The following PCDH15 variants were observed in gnomAD, a reference collection of about 807,000 sequenced individuals.
PCDH15 encodes protocadherin related 15.
PCDH15 carries 129 observed loss-of-function variants against 178.5 expected under a neutral mutation model. The observed-to-expected ratio is 0.72, with a 90% CI of 0.63 to 0.84. The LOEUF is 0.84. Among genes scored for constraint, PCDH15 ranks in the 40% least tolerant of loss-of-function variants. The probability of loss-of-function intolerance (pLI) is 0.00; values close to 1 mark genes in which losing one functional copy is unlikely to be tolerated. For missense variants in PCDH15, 2,230 were observed against 2,099.9 expected (o/e 1.06, Z -1.21); for synonymous variants, 800 against 732.0 (o/e 1.09, Z -1.50).
chr10:55,579,729 C>A (rs950763104), intron 2 of PCDH15, among the ~76,000 whole-genome samples: 4 of 152,130 alleles, frequency 2.6e-5, no homozygotes, highest in African/African-American at 9.7e-5. Context: ...CAATATTAAC[C>A]AATGTCCCTT....
intron 8 of PCDH15, among the ~76,000 whole-genome samples, chr10:54,243,834 A>G (rs573980723): frequency 8.5e-5 from 13 of 152,132 alleles, no homozygotes; most frequent in Non-Finnish European, 1.6e-4. Context: ...TTTAAAAAAT[A>G]GTAACGAATT....
At chr10:54,949,410 C>G (rs562786114) in intron 2 of PCDH15, among the ~76,000 whole-genome samples, 1 of 151,978 alleles carries the variant, frequency 6.6e-6, no homozygotes, top group South Asian at 2.1e-4. Context: ...ATGGGAGAAA[C>G]CACCCCCATG....
chr10:55,620,278 C>T (rs1266243709), intron 2 of PCDH15, among the ~76,000 whole-genome samples: 1 of 151,740 alleles, frequency 6.6e-6, no homozygotes, highest in Non-Finnish European at 1.5e-5. Context: ...CTGTGAGAAG[C>T]TTGGGAATTG....
intron 2 of PCDH15, among the ~76,000 whole-genome samples, chr10:55,416,090 T>A (rs576997936): frequency 1.8e-4 from 27 of 151,570 alleles, no homozygotes; most frequent in African/African-American, 6.5e-4. Context: ...AAACTTGACA[T>A]CTTGACTCCC....
chr10:54,939,108 A>G (rs1435440398), intron 2 of PCDH15, among the ~76,000 whole-genome samples: 1 of 152,170 alleles, frequency 6.6e-6, no homozygotes, highest in Non-Finnish European at 1.5e-5. Context: ...CAGCAGCAAT[A>G]TAAAATAAAC....
chr10:55,172,823 A>G (rs1287723035), intron 1 of PCDH15, among the ~76,000 whole-genome samples: 1 of 151,952 alleles, frequency 6.6e-6, no homozygotes, highest in Non-Finnish European at 1.5e-5. Context: ...ATATATATCT[A>G]TTACATATGT....
intron 1 of PCDH15, among the ~76,000 whole-genome samples, chr10:55,210,661 G>C (rs1353379588): frequency 1.9e-5 from 2 of 103,512 alleles, no homozygotes; most frequent in African/African-American, 3.8e-5. Context: ...ACGGAATCTC[G>C]CTCTGTCGCC....
chr10:54,296,005 C>T (rs1431731090), intron 8 of PCDH15, among the ~76,000 whole-genome samples: 2 of 150,590 alleles, frequency 1.3e-5, no homozygotes, highest in East Asian at 2.0e-4. Flanking sequence ...ATTAGCCGGG[C>T]GTAGTGGCGG....
chr10:54,214,803 C>T (rs1005580029), intron 9 of PCDH15, among the ~76,000 whole-genome samples: 4 of 152,246 alleles, frequency 2.6e-5, no homozygotes, highest in Admixed American at 2.6e-4. Context: ...GTTGGCCAGG[C>T]TGGTCTTGAA....
At chr10:55,266,936 A>C (rs1412378499) in intron 1 of PCDH15, among the ~76,000 whole-genome samples, 1 of 152,220 alleles carries the variant, frequency 6.6e-6, no homozygotes, top group Non-Finnish European at 1.5e-5. Flanking sequence ...CTGGGGCTTC[A>C]GCTGTTAACA....
At chr10:53,918,573 G>A (rs758715050) in intron 25 of PCDH15, among the ~76,000 whole-genome samples, 4 of 152,154 alleles carry the variant, frequency 2.6e-5, no homozygotes, top group Non-Finnish European at 4.4e-5. Flanking sequence ...ATCAACTGAA[G>A]AGTTATTACA....
intron 3 of PCDH15, among the ~76,000 whole-genome samples, chr10:54,384,726 T>A: frequency 6.6e-6 from 1 of 152,120 alleles, no homozygotes; most frequent in East Asian, 1.9e-4. Context: ...AATTAAAGTT[T>A]TTTCCCTTAG....
chr10:54,382,472 C>T (rs1289992625), intron 3 of PCDH15, among the ~76,000 whole-genome samples: 9 of 152,052 alleles, frequency 5.9e-5, no homozygotes, highest in African/African-American at 2.2e-4. Context: ...AGCTTGCCAC[C>T]CATACAAGAG....
At chr10:54,603,795 A>G (rs2092638936) in intron 2 of PCDH15, among the ~76,000 whole-genome samples, 1 of 151,996 alleles carries the variant, frequency 6.6e-6, no homozygotes, top group Admixed American at 6.6e-5. Context: ...TATCTGACCC[A>G]GATTTTACAA....
intron 2 of PCDH15, among the ~76,000 whole-genome samples, chr10:54,642,063 C>A (rs754597297): frequency 6.6e-5 from 10 of 151,050 alleles, no homozygotes; most frequent in Non-Finnish European, 1.5e-4. Context: ...TAAAATATAA[C>A]CCCCCAACGT....
intron 8 of PCDH15, among the ~76,000 whole-genome samples, chr10:54,237,613 T>A (rs1228972196): frequency 1.3e-5 from 2 of 152,214 alleles, no homozygotes; most frequent in Non-Finnish European, 2.9e-5. Flanking sequence ...TAACTATCTT[T>A]AGGCTTTGCC....
intron 3 of PCDH15, among the ~76,000 whole-genome samples, chr10:54,858,874 CT>C: frequency 6.6e-6 from 1 of 151,880 alleles, no homozygotes; most frequent in Non-Finnish European, 1.5e-5. Flanking sequence ...AAAACAATAA[CT>C]ACTGAAGAAT....
At chr10:55,280,238 G>T (rs1484332170) in intron 1 of PCDH15, among the ~76,000 whole-genome samples, 1 of 144,740 alleles carries the variant, frequency 6.9e-6, no homozygotes. Context: ...GACAAAAGCT[G>T]TGCTATGGAA....
intron 8 of PCDH15, among the ~76,000 whole-genome samples, chr10:54,315,484 G>C (rs1414647460): frequency 4.6e-5 from 7 of 152,144 alleles, no homozygotes; most frequent in Non-Finnish European, 7.3e-5. Flanking sequence ...TAGGTGGTCT[G>C]TTCACTCTGT....
Sources: gnomAD v4.1 joint callset for allele counts (sites outside exome capture counted in the v4.1 genomes callset) on GRCh38, gnomAD v4.1.1 for gene constraint, MANE v1.5 for transcripts, NCBI Gene and HGNC (gene_info 2026-07-23, HGNC 2026-07-21) for gene names.